MYO9B: variants seen among roughly 807,000 people sequenced by gnomAD.
MYO9B encodes unconventional myosin-IXb.
Under a neutral mutation model 229.5 loss-of-function variants are expected in MYO9B, and 71 were observed. The observed-to-expected ratio is 0.31, with a 90% CI of 0.26 to 0.38. The LOEUF is 0.38. MYO9B is among the 10% of genes least tolerant of loss of function. The pLI, the probability that MYO9B is intolerant of heterozygous loss-of-function variation, is 1.00. For missense variants in MYO9B, 2,255 were observed against 2,920.5 expected (o/e 0.77, Z 5.25); for synonymous variants, 1,185 against 1,235.8 (o/e 0.96, Z 0.86).
chr19:17,101,601 A>G lies in MYO9B; in HGVS notation c.-58-59A>G. ...TATCTGCCCAGGAGTGGGACTCCACATGCCCCTTAAACTTCCTCCCACCAT... is the reference window on the plus strand; with the variant it reads ...TATCTGCCCAGGAGTGGGACTCCACGTGCCCCTTAAACTTCCTCCCACCAT... On this transcript the variant is annotated intron_variant, in intron 1 of 39. Transcript: ENST00000682292. This position sits in a 1 kb window ranked among gnomAD's most constrained non-coding sequence, Gnocchi z 4.7. The G allele has an allele frequency of 1.4e-6, 2 of 1,411,182 alleles. No individual in the cohort carries two copies. Among genetic ancestry groups the G allele is most frequent in the Non-Finnish European group, 1.9e-6 (2 of 1,075,518 alleles). The allele number at this position is 1,411,182 out of a possible 1,614,324, so 87.4% of individuals were successfully genotyped here. A position where few individuals can be genotyped will look rare whatever the true frequency, so the allele number is the denominator to read the frequency against.
intron 3 of MYO9B, among the ~76,000 whole-genome samples, chr19:17,147,912 C>T (rs2072433570): frequency 6.6e-6 from 1 of 150,978 alleles, no homozygotes; most frequent in Admixed American, 6.6e-5. Context: ...GAACTCCCGA[C>T]CTCAGGTGAT....
In MYO9B at chr19:17,193,224, G is replaced by C. The variant is rs1459844286; in HGVS notation, c.3128+162G>C. Among the ~76,000 whole-genome samples the C allele has an allele frequency of 1.3e-5, 2 of 152,218 alleles. No individual in the cohort carries two copies. The highest frequency in any genetic ancestry group is 4.8e-5 in the African/African-American group (2 of 41,456). On this transcript the variant is annotated intron_variant, in intron 21 of 39. Transcript: ENST00000682292. This position sits in a 1 kb window ranked among gnomAD's most constrained non-coding sequence, Gnocchi z 4.3. ...GAAACCAGATGCCTAGGCACTCATG[G>C]GCTGCAGAGAAGTGCTCCAAGGCTG...
chr19:17,185,824 C>A, intron 17 of MYO9B, 97 bp from the exon 18 acceptor site: 1 of 955,082 alleles, frequency 1.0e-6, no homozygotes, highest in East Asian at 2.5e-5. Flanking sequence ...CCCCATCCAC[C>A]CCACACTGAT....
Position 17,212,569 on chromosome 19 carries a change from T to C in MYO9B, c.*259T>C. The stretch of plus-strand genomic sequence containing the variant: ...ACATCTCCACCTGCGGCCTCACATC[T>C]CCCCACTCCCCTTTTTGTACGTTTA... On this transcript the variant is annotated 3_prime_UTR_variant, in exon 40 of 40. Coordinates refer to ENST00000682292, the MANE Select transcript of MYO9B (RefSeq NM_004145.4). This position sits in a 1 kb window ranked among gnomAD's most constrained non-coding sequence, Gnocchi z 5.4. 2.3e-6 allele frequency: 1 copy of C among 439,968 alleles called. No homozygotes were observed. Among genetic ancestry groups the C allele is most frequent in the African/African-American group, 2.0e-5 (1 of 49,064 alleles). The allele number at this position is 439,968 out of a possible 1,614,324, so 27.3% of individuals were successfully genotyped here. A position where few individuals can be genotyped will look rare whatever the true frequency, so the allele number is the denominator to read the frequency against.
chr19:17,152,767 A>G (rs2145270484), intron 4 of MYO9B, 61 bp downstream of exon 4: 6 of 1,421,298 alleles, frequency 4.2e-6, no homozygotes, highest in South Asian at 2.4e-5. Flanking sequence ...TTCCTCCTAC[A>G]GAGGAGAGAA....
In MYO9B at chr19:17,102,364, T is replaced by C. The variant is rs1599324481; in HGVS notation, c.647T>C (p.Phe216Ser). ...CTGGGCAAGCTGGAGCCACACGTCT[T>C]CGCGCTGGCCGACGTGGCCTACTAC... The part of the protein sequence containing the change: ...QQLGKLEPHV[F>S]ALADVAYYTM... The change falls in exon 2 of 40, where the codon TTC (phenylalanine) becomes TCC (serine). Residue 216 changes from phenylalanine to serine, a missense_variant. Transcript: ENST00000682292. 6.2e-7 allele frequency: 1 copy of C among 1,613,976 alleles called. No individual in the cohort carries two copies. The highest frequency in any genetic ancestry group is 8.5e-7 in the Non-Finnish European group (1 of 1,179,886).
Position 17,102,471 on chromosome 19 carries a change from C to T in MYO9B, c.754C>T (p.Leu252Phe), listed in dbSNP as rs778301583. The change falls in exon 2 of 40, where the codon CTC becomes TTC. Residue 252 changes from leucine to phenylalanine, a missense_variant. Physicochemically the swap from Leu to Phe is conservative, Grantham distance 22. Around this residue, in one of 7 missense-constraint regions of MYO9B, gnomAD observed 386 missense variants for 515.2 expected, o/e 0.75. Coordinates refer to ENST00000682292, the MANE Select transcript of MYO9B (RefSeq NM_004145.4). ...CGGCAAGACCCAGAGCACCAACTTCCTCATCCACTGCCTCACCGCCCTCAG... is the reference window on the plus strand; with the variant it reads ...CGGCAAGACCCAGAGCACCAACTTCTTCATCCACTGCCTCACCGCCCTCAG... ...GSGKTQSTNF[L>F]IHCLTALSQK... is the part of the protein sequence containing the mutation. 6 of 1,613,778 alleles carry T rather than the reference C, an allele frequency of 3.7e-6. No individual in the cohort carries two copies. The highest frequency in any genetic ancestry group is 5.1e-6 in the Non-Finnish European group (6 of 1,179,862).
At chr19:17,126,093 C>A (rs2058015362) in intron 2 of MYO9B, among the ~76,000 whole-genome samples, 1 of 152,202 alleles carries the variant, frequency 6.6e-6, no homozygotes. Context: ...ATGGCCCCCA[C>A]TAACCTCCTC....
At chr19:17,122,391 T>C (rs2057974210) in intron 2 of MYO9B, among the ~76,000 whole-genome samples, 2 of 151,970 alleles carry the variant, frequency 1.3e-5, no homozygotes, top group South Asian at 4.2e-4. Context: ...ATACAAAAAT[T>C]AGCTGGGTGT....
At chr19:17,192,559 C>T (rs1378976316) in intron 20 of MYO9B, among the ~76,000 whole-genome samples, 187 bp from the exon 21 acceptor site, 1 of 152,054 alleles carries the variant, frequency 6.6e-6, no homozygotes, top group Non-Finnish European at 1.5e-5. Context: ...CATGCCACTG[C>T]ACTCCAGCCT....
intron 2 of MYO9B, among the ~76,000 whole-genome samples, chr19:17,115,495 G>A (rs968456443): frequency 5.6e-5 from 8 of 142,726 alleles, no homozygotes; most frequent in African/African-American, 2.1e-4. Context: ...TTGAAATGGA[G>A]TCTTGCTTGG....
chr19:17,186,083 C>CGTGGAGGCTGGGG, intron 18 of MYO9B, 82 bp downstream of exon 18: 1 of 1,260,942 alleles, frequency 7.9e-7, no homozygotes, highest in African/African-American at 1.5e-5. Context: ...CCAGCCCCAG[C>CGTGGAGGCTGGGG]CTCCACGCAG....
chr19:17,121,526 G>C (rs1024105277), intron 2 of MYO9B, among the ~76,000 whole-genome samples: 2 of 151,764 alleles, frequency 1.3e-5, no homozygotes, highest in Admixed American at 1.3e-4. Context: ...TGGGTCCAAG[G>C]GGAGCCTGGG....
intron 1 of MYO9B, among the ~76,000 whole-genome samples, chr19:17,081,851 G>A (rs189567189): frequency 1.3e-5 from 2 of 151,782 alleles, no homozygotes; most frequent in East Asian, 1.9e-4. Flanking sequence ...CCCAGCCCAG[G>A]GCGGAGTGGG....
chr19:17,160,518 T>C (rs2072587766), intron 8 of MYO9B, among the ~76,000 whole-genome samples: 1 of 148,820 alleles, frequency 6.7e-6, no homozygotes, highest in African/African-American at 2.5e-5. Context: ...TTCTTTTTTT[T>C]TTTTTTTTTG....
chr19:17,096,867 A>G (rs2057697808), intron 1 of MYO9B, among the ~76,000 whole-genome samples: 1 of 150,038 alleles, frequency 6.7e-6, no homozygotes. Flanking sequence ...CACTGCGCCC[A>G]GCTAATTTTT....
At chr19:17,085,339 G>A (rs79690069) in intron 1 of MYO9B, among the ~76,000 whole-genome samples, 42 of 152,296 alleles carry the variant, frequency 2.8e-4, no homozygotes, top group Non-Finnish European at 4.7e-4. Context: ...CAGATGGGCA[G>A]CATTGGGAGA....
intron 10 of MYO9B, among the ~76,000 whole-genome samples, chr19:17,164,712 A>G (rs1294696539): frequency 3.3e-5 from 5 of 152,102 alleles, no homozygotes; most frequent in African/African-American, 9.7e-5. Context: ...TAAATAGTCA[A>G]CCATCCTTAT....
chr19:17,079,936 G>A (rs1489118789), intron 1 of MYO9B, among the ~76,000 whole-genome samples: 4 of 152,184 alleles, frequency 2.6e-5, no homozygotes, highest in South Asian at 4.1e-4. Context: ...GCCCACCGCC[G>A]CAGCCCAGAG....
Sources: allele counts gnomAD v4.1 joint callset (sites outside exome capture counted in the v4.1 genomes callset), GRCh38; gene constraint gnomAD v4.1.1; regional missense constraint gnomAD v4.1.1; non-coding constraint Gnocchi (gnomAD v3.1); transcripts MANE v1.5; gene names NCBI Gene and HGNC (gene_info 2026-07-23, HGNC 2026-07-21).